The following CAPN7 variants were observed in gnomAD, a reference collection of about 807,000 sequenced individuals.
CAPN7 encodes calpain 7.
CAPN7 carries 72 observed loss-of-function variants against 115.2 expected under a neutral mutation model. The ratio of observed to expected loss-of-function variants is 0.63; its 90% CI spans 0.52 to 0.76. CAPN7 has a LOEUF of 0.76. Ranked by LOEUF, CAPN7 falls within the 30% of genes least tolerant of loss-of-function variation. The pLI, the probability that CAPN7 is intolerant of heterozygous loss-of-function variation, is 0.00. For missense variants in CAPN7, 905 were observed against 971.5 expected, an observed-to-expected ratio of 0.93 and a Z score of 0.91; for synonymous variants, 344 against 322.3, an observed-to-expected ratio of 1.07 and a Z score of -0.72.
At chr3:15,238,108 CTTT>C (rs34203410) in intron 12 of CAPN7, among the ~76,000 whole-genome samples, 69 of 58,176 alleles carry the variant, frequency 1.2e-3, no homozygotes, top group Admixed American at 5.1e-4. Flanking sequence ...ATTCTGACTT[CTTT>C]TTTTTTTTTT....
rs1173857099 is a variant in CAPN7, at chr3:15,252,740, GATTAATT to G, written c.*1481_*1487del. 6.6e-6 allele frequency: 1 copy of G among 151,778 alleles called. No individual in the cohort carries two copies. The highest frequency in any genetic ancestry group is 1.5e-5 in the Non-Finnish European group (1 of 68,026). 9.4% of individuals were successfully genotyped at this position (151,778 alleles called of 1,614,324 possible). A position where few individuals can be genotyped will look rare whatever the true frequency, so the allele number is the denominator to read the frequency against. Reference sequence around the variant, plus strand: ...GCCACCAGTGTATGAATAAGGGAAAGATTAATTTTGGCTGGACCAATATAAAAAATTG... The same window carrying G: ...GCCACCAGTGTATGAATAAGGGAAAGTTGGCTGGACCAATATAAAAAATTG... On this transcript the variant is annotated 3_prime_UTR_variant, in exon 21 of 21. Coordinates refer to ENST00000253693, the MANE Select transcript of CAPN7 (RefSeq NM_014296.3).
rs1207911563 is a variant in CAPN7 at position 15,242,231 on chromosome 3, T to C, written c.1842T>C (p.Asp614=). ...TCACAATGGTTGTATACAAGACTGA[T>C]GGGAAAAAAGTTTATTACCCAGGTA... is the stretch of plus-strand genomic sequence containing the variant. ...EFITMVVYKT[D]GKKVYYPADP... The change falls in exon 16 of 21, where the codon GAT becomes GAC. Residue 614 remains aspartate, a synonymous_variant. Transcript: ENST00000253693. 9 of 1,598,872 alleles carry C rather than the reference T, an allele frequency of 5.6e-6. No homozygotes were observed. The highest frequency in any genetic ancestry group is 7.7e-6 in the Non-Finnish European group (9 of 1,175,480).
At chr3:15,245,787 C>CT (rs1695624537) in intron 17 of CAPN7, 116 bp downstream of exon 17, 3 of 735,260 alleles carry the variant, frequency 4.1e-6, no homozygotes, top group South Asian at 6.1e-5. Context: ...GTATTGCTCT[C>CT]TTTTTTTGTG....
chr3:15,239,755 A>G (rs572423172), intron 12 of CAPN7, among the ~76,000 whole-genome samples: 11 of 152,336 alleles, frequency 7.2e-5, no homozygotes, highest in African/African-American at 2.6e-4. Context: ...GAGTAAATGA[A>G]TGTTCAGAGA....
At chr3:15,244,501 G>C (rs747560079) in intron 16 of CAPN7, among the ~76,000 whole-genome samples, 2 of 152,154 alleles carry the variant, frequency 1.3e-5, no homozygotes, top group African/African-American at 4.8e-5. Context: ...AAGATCCACA[G>C]ATATGCCAAT....
At chr3:15,219,928 C>T (rs527798954) in intron 4 of CAPN7, among the ~76,000 whole-genome samples, 27 of 152,272 alleles carry the variant, frequency 1.8e-4, no homozygotes, top group Non-Finnish European at 3.4e-4. Context: ...TGGCCGGGCA[C>T]GGTGGCTCAC....
chr3:15,233,774 C>A, intron 10 of CAPN7, 93 bp from the exon 11 acceptor site: 1 of 711,318 alleles, frequency 1.4e-6, no homozygotes, highest in Non-Finnish European at 2.5e-6. Context: ...CTACCAAAAT[C>A]ATTATGCCAA....
At chr3:15,245,423 C>T in intron 16 of CAPN7, 103 bp from the exon 17 acceptor site, 2 of 975,496 alleles carry the variant, frequency 2.1e-6, no homozygotes, top group Non-Finnish European at 3.0e-6. Flanking sequence ...AGGAGAGAAT[C>T]AGTTAAGGAG....
chr3:15,221,486 C>G (rs1310107632), intron 5 of CAPN7, among the ~76,000 whole-genome samples: 1 of 151,662 alleles, frequency 6.6e-6, no homozygotes, highest in Non-Finnish European at 1.5e-5. Context: ...AGCCACTGTG[C>G]CCGGCTTTAG....
At chr3:15,237,173 TAAC>T (rs1695040770) in intron 12 of CAPN7, among the ~76,000 whole-genome samples, 1 of 152,214 alleles carries the variant, frequency 6.6e-6, no homozygotes, top group Non-Finnish European at 1.5e-5. Context: ...GGCTCTGTAA[TAAC>T]AACTAGCTGA....
rs764467135 is a variant in CAPN7 at position 15,241,516 on chromosome 3, C to G, written c.1716C>G (p.Tyr572Ter). The G allele has an allele frequency of 2.5e-6, 4 of 1,613,750 alleles. No homozygotes were observed. The Admixed American group carries it at 6.7e-5, about 27-fold the overall frequency. The change falls in exon 15 of 21, where the codon TAC becomes TAG. Residue 572 changes from tyrosine (Y) to a stop codon, truncating the protein, a stop_gained. Transcript: ENST00000253693. LOFTEE classifies it high-confidence loss of function. ...DAYSLANNPQ[Y>*]KLEVQCPQGG... ...ATAGCCTGGCCAACAACCCCCAGTA[C>G]AAACTGGAGGTGCAGTGTCCACAGG...
intron 17 of CAPN7, 94 bp from the exon 18 acceptor site, chr3:15,246,638 C>T: frequency 2.2e-6 from 2 of 896,676 alleles, no homozygotes; most frequent in East Asian, 5.1e-5. Context: ...TTGTGTATGC[C>T]AACTGATTTT....
chr3:15,234,928 A>C, intron 11 of CAPN7, 97 bp from the exon 12 acceptor site: 2 of 1,087,766 alleles, frequency 1.8e-6, no homozygotes, highest in Non-Finnish European at 2.6e-6. Flanking sequence ...GGAACAGCCC[A>C]TTTTCATGTA....
At chr3:15,224,024 C>A (rs891748848) in intron 6 of CAPN7, among the ~76,000 whole-genome samples, 3 of 152,120 alleles carry the variant, frequency 2.0e-5, no homozygotes, top group Admixed American at 6.5e-5. Context: ...TTGTTTGGTT[C>A]AGGAGTCCGA....
At chr3:15,245,221 T>A (rs995203225) in intron 16 of CAPN7, among the ~76,000 whole-genome samples, 1 of 151,862 alleles carries the variant, frequency 6.6e-6, no homozygotes, top group African/African-American at 2.4e-5. Flanking sequence ...ATCCTGACTT[T>A]AAGATCCTCT....
At chr3:15,210,854 G>A (rs770877017) in intron 1 of CAPN7, 4 of 1,289,554 alleles carry the variant, frequency 3.1e-6, no homozygotes, top group South Asian at 2.5e-5. Flanking sequence ...GTGATGTTCA[G>A]TAGATGGCAT....
intron 9 of CAPN7, among the ~76,000 whole-genome samples, chr3:15,231,760 C>T (rs914839834): frequency 1.3e-5 from 2 of 152,120 alleles, no homozygotes; most frequent in Admixed American, 6.5e-5. Flanking sequence ...GATCTCCTGA[C>T]CTCATGATCC....
At position 15,251,464 on chromosome 3, in the gene CAPN7, T is replaced by G. The variant is rs1696002407; in HGVS notation, c.*204T>G. ...TACCTAAATCACCTAGAGGTACCGTTTACATGGTTTTGTGTATATAGAGTT... is the reference window on the plus strand; with the variant it reads ...TACCTAAATCACCTAGAGGTACCGTGTACATGGTTTTGTGTATATAGAGTT... On this transcript the variant is annotated 3_prime_UTR_variant, in exon 21 of 21. Coordinates refer to ENST00000253693, the MANE Select transcript of CAPN7 (RefSeq NM_014296.3). 1 of 436,154 alleles carries G rather than the reference T, an allele frequency of 2.3e-6. No homozygotes were observed. 27.0% of individuals were successfully genotyped at this position (436,154 alleles called of 1,614,324 possible).
At position 15,212,107 on chromosome 3, in the gene CAPN7, G is replaced by A; in HGVS notation, c.106G>A (p.Ala36Thr). 1 of 1,586,190 alleles carries A rather than the reference G, an allele frequency of 6.3e-7. No homozygotes were observed. Among genetic ancestry groups the A allele is most frequent in the Admixed American group, 1.8e-5 (1 of 55,020 alleles). The change falls in exon 2 of 21, where the codon GCT becomes ACT. Residue 36 changes from alanine to threonine, a missense_variant. Transcript: ENST00000253693. ...CTTTGAATTCTTTCATTTTTAGGAA[G>A]CTGCACAAGCCTTAATTTATGCTGA... The part of the protein sequence containing the change: ...YSEAVFYYKE[A>T]AQALIYAEMA...
Sources: gnomAD v4.1 joint callset for allele counts (sites outside exome capture counted in the v4.1 genomes callset) on GRCh38, gnomAD v4.1.1 for gene constraint, MANE v1.5 for transcripts, NCBI Gene and HGNC (gene_info 2026-07-23, HGNC 2026-07-21) for gene names.